Variants in ARHGEF7 observed in about 807,000 individuals in gnomAD.
ARHGEF7 encodes PAK-interacting exchange factor beta.
In ARHGEF7, 33 loss-of-function variants were observed where a neutral mutation model predicts 109.8. The ratio of observed to expected loss-of-function variants is 0.30; its 90% CI spans 0.23 to 0.40. ARHGEF7 has a LOEUF of 0.40. Among genes scored for constraint, ARHGEF7 ranks in the 10% least tolerant of loss-of-function variants. The pLI is 1.00. For missense variants in ARHGEF7, 938 were observed against 1,098.5 expected, an observed-to-expected ratio of 0.85 and a Z score of 2.07; for synonymous variants, 458 against 424.6, an observed-to-expected ratio of 1.08 and a Z score of -0.97.
intron 6 of ARHGEF7, among the ~76,000 whole-genome samples, chr13:111,233,995 T>C (rs375845003): frequency 9.2e-5 from 14 of 152,332 alleles, no homozygotes; most frequent in East Asian, 7.7e-4. Flanking sequence ...TTTATTAAAA[T>C]TTTAAACCAC....
In ARHGEF7 at chr13:111,239,696, T is replaced by C. The variant is rs1470467079; in HGVS notation, c.760-4176T>C. 2.1e-4 allele frequency among the ~76,000 whole-genome samples: 32 copies of C among 152,000 alleles called. No individual in the cohort carries two copies. Among genetic ancestry groups the C allele is most frequent in the Admixed American group, 1.6e-3 (24 of 15,246 alleles). On this transcript the variant is annotated intron_variant, in intron 6 of 21. Transcript: ENST00000646102. This position sits in a 1 kb window ranked among gnomAD's most constrained non-coding sequence, Gnocchi z 4.3. ...CAGGGAGGGTGTGCAGCTTGTGGGATCCCCTCTTTTCCTGGGCGGCGAGGT... is the reference window on the plus strand; with the variant it reads ...CAGGGAGGGTGTGCAGCTTGTGGGACCCCCTCTTTTCCTGGGCGGCGAGGT...
At chr13:111,188,274 G>A (rs1055745253) in intron 2 of ARHGEF7, among the ~76,000 whole-genome samples, 5 of 152,158 alleles carry the variant, frequency 3.3e-5, no homozygotes, top group Admixed American at 2.6e-4. Context: ...ACATCTCAAC[G>A]ACCTCCCCTG....
chr13:111,203,615 A>T (rs1342315118), intron 2 of ARHGEF7, among the ~76,000 whole-genome samples: 1 of 152,182 alleles, frequency 6.6e-6, no homozygotes, highest in Non-Finnish European at 1.5e-5. Flanking sequence ...TTCCTTGTGA[A>T]CTTTAAGAAA....
intron 6 of ARHGEF7, among the ~76,000 whole-genome samples, chr13:111,235,363 C>A (rs1385324517): frequency 6.6e-6 from 1 of 152,184 alleles, no homozygotes; most frequent in Non-Finnish European, 1.5e-5. Context: ...CAGATTGAAG[C>A]ATAGTCGATA....
intron 4 of ARHGEF7, among the ~76,000 whole-genome samples, chr13:111,214,731 C>T (rs1004648564): frequency 2.3e-4 from 35 of 152,154 alleles, no homozygotes; most frequent in Admixed American, 1.9e-3. Flanking sequence ...TGTTCGCTGG[C>T]GCTTTTGTTG....
intron 8 of ARHGEF7, among the ~76,000 whole-genome samples, chr13:111,252,373 A>G (rs2089890754): frequency 6.6e-6 from 1 of 152,190 alleles, no homozygotes; most frequent in Admixed American, 6.5e-5. Context: ...TGCCTGTTGC[A>G]TTTGGGCAGT....
chr13:111,120,796 C>T (rs1357747649), intron 1 of ARHGEF7, among the ~76,000 whole-genome samples: 2 of 152,190 alleles, frequency 1.3e-5, no homozygotes. Flanking sequence ...CGTTTGCAGG[C>T]GCTGTCCCTC....
rs752363502 is a variant in ARHGEF7, at chr13:111,280,316, C to G, written c.1551C>G (p.Asp517Glu). The G allele has an allele frequency of 5.0e-6, 8 of 1,611,926 alleles. No individual in the cohort carries two copies. The highest frequency in any genetic ancestry group is 1.1e-5 in the South Asian group (1 of 90,916). The change falls in exon 14 of 22, where the codon GAC becomes GAG. Residue 517 changes from aspartate (D) to glutamate (E), a missense_variant. By Grantham distance (45) the Asp-to-Glu change is conservative. Around this residue, in one of 4 missense-constraint regions of ARHGEF7, gnomAD observed 585 missense variants for 723.6 expected, o/e 0.81. Transcript: ENST00000646102. ...TTGMTITKLE[D>E]SENHRNAFEI... is the part of the protein sequence containing the mutation. ...GAATGACAATCACAAAGCTTGAGGA[C>G]AGTGAAAATCATAGAAATGCATTTG...
Position 111,133,799 on chromosome 13 carries a change from ATATATATAT to A in ARHGEF7, c.165+18109_165+18117del, listed in dbSNP as rs1566606905. ...TATATATATATATATATATATATAT[ATATATATAT>A]ATATATTTATTATACTTTAAGTTCT... On this transcript the variant is annotated intron_variant, in intron 1 of 21. Transcript: ENST00000646102. Among the ~76,000 whole-genome samples, 105 of 37,822 alleles carry A rather than the reference ATATATATAT, an allele frequency of 2.8e-3. 3 individuals are homozygous for A. Among genetic ancestry groups the A allele is most frequent in the South Asian group, 5.9e-3 (7 of 1,188 alleles). 24.8% of individuals were successfully genotyped at this position (37,822 alleles called of 152,430 possible).
chr13:111,280,979 A>G (rs1455693409), intron 15 of ARHGEF7: 1 of 243,898 alleles, frequency 4.1e-6, no homozygotes, highest in Admixed American at 5.6e-5. Flanking sequence ...GGAGTTTTAC[A>G]CTCAACTATA....
At chr13:111,213,186 G>A (rs901329541) in intron 4 of ARHGEF7, among the ~76,000 whole-genome samples, 2 of 152,148 alleles carry the variant, frequency 1.3e-5, no homozygotes, top group African/African-American at 4.8e-5. Context: ...CCAAGATACT[G>A]ATGGGTGGTG....
At chr13:111,216,770 C>A (rs1190240851) in intron 4 of ARHGEF7, among the ~76,000 whole-genome samples, 1 of 152,158 alleles carries the variant, frequency 6.6e-6, no homozygotes, top group Non-Finnish European at 1.5e-5. Context: ...TTTTCTTGCT[C>A]CTGTGCCGGC....
At chr13:111,115,229 C>A (rs1206448976), upstream of ARHGEF7, 4 of 147,044 alleles carry the variant, frequency 2.7e-5, no homozygotes, top group African/African-American at 9.8e-5. Flanking sequence ...GCGGGCCGGG[C>A]GGACGGCCGC....
At chr13:111,301,983 T>G (rs2093579038) in intron 21 of ARHGEF7, among the ~76,000 whole-genome samples, 2 of 152,142 alleles carry the variant, frequency 1.3e-5, no homozygotes, top group African/African-American at 4.8e-5. Context: ...ATTGGTTGTC[T>G]CTAAAGTGAC....
chr13:111,167,091 G>T (rs1013807597), intron 2 of ARHGEF7, among the ~76,000 whole-genome samples: 1 of 152,144 alleles, frequency 6.6e-6, no homozygotes, highest in South Asian at 2.1e-4. Flanking sequence ...GTAAACGGTT[G>T]GTTTGTTCTT....
intron 12 of ARHGEF7, among the ~76,000 whole-genome samples, chr13:111,276,616 G>A (rs1178324491): frequency 6.6e-6 from 1 of 152,224 alleles, no homozygotes; most frequent in Non-Finnish European, 1.5e-5. Flanking sequence ...GATCACGACT[G>A]AACGTAATTA....
intron 5 of ARHGEF7, among the ~76,000 whole-genome samples, chr13:111,218,765 A>C (rs553657204): frequency 6.6e-6 from 1 of 152,250 alleles, no homozygotes; most frequent in East Asian, 1.9e-4. Context: ...TTGAATTGTT[A>C]AGGTTTATAC....
chr13:111,117,711 C>G (rs2066893332), intron 1 of ARHGEF7, among the ~76,000 whole-genome samples: 1 of 151,846 alleles, frequency 6.6e-6, no homozygotes, highest in African/African-American at 2.4e-5. Context: ...CTCTCTGTCT[C>G]TCTCTCTCTT....
At chr13:111,280,094 T>C (rs2092701386) in intron 13 of ARHGEF7, among the ~76,000 whole-genome samples, 178 bp from the exon 14 acceptor site, 1 of 152,190 alleles carries the variant, frequency 6.6e-6, no homozygotes, top group Non-Finnish European at 1.5e-5. Flanking sequence ...TTATAATTTA[T>C]TATTTGAGAT....
Sources: allele counts gnomAD v4.1 joint callset (sites outside exome capture counted in the v4.1 genomes callset), GRCh38; gene constraint gnomAD v4.1.1; regional missense constraint gnomAD v4.1.1; non-coding constraint Gnocchi (gnomAD v3.1); transcripts MANE v1.5; gene names NCBI Gene and HGNC (gene_info 2026-07-23, HGNC 2026-07-21).